Variants in SGCD observed in about 807,000 individuals in gnomAD.
SGCD encodes sarcoglycan delta.
In SGCD, 18 loss-of-function variants were observed where a neutral mutation model predicts 36.6. The observed-to-expected ratio is 0.49, with a 90% confidence interval of 0.34 to 0.73. The LOEUF (loss-of-function observed/expected upper bound fraction) is 0.73, where lower values mean the gene tolerates loss of function less well. SGCD is among the 30% of genes least tolerant of loss of function. The pLI is 0.01. For missense variants in SGCD, 387 were observed against 346.7 expected (o/e 1.12, Z -0.92); for synonymous variants, 133 against 130.6 (o/e 1.02, Z -0.12).
chr5:155,822,029 T>C, the SGCD span, among the ~76,000 whole-genome samples: 1 of 152,286 alleles, frequency 6.6e-6, no homozygotes, highest in Middle Eastern at 3.4e-3. Flanking sequence ...CATCATACAC[T>C]AATGAGAATC....
intron 7 of SGCD, among the ~76,000 whole-genome samples, chr5:156,660,016 T>A (rs2113624871): frequency 6.7e-6 from 1 of 148,868 alleles, no homozygotes; most frequent in Middle Eastern, 3.4e-3. Flanking sequence ...AAAACTTCTG[T>A]ATTTTTTGAT....
At chr5:156,343,983 GC>G in intron 2 of SGCD, among the ~76,000 whole-genome samples, 1 of 152,158 alleles carries the variant, frequency 6.6e-6, no homozygotes, top group Non-Finnish European at 1.5e-5. Context: ...AAATAGAGGA[GC>G]AGTCAAAGCT....
chr5:156,710,222 A>C (rs987039685), intron 7 of SGCD, among the ~76,000 whole-genome samples: 2 of 152,224 alleles, frequency 1.3e-5, no homozygotes, highest in South Asian at 4.1e-4. Context: ...AGAGGTGCTC[A>C]GTAAATACTT....
At chr5:156,392,028 T>C (rs2127755474) in intron 3 of SGCD, among the ~76,000 whole-genome samples, 1 of 152,336 alleles carries the variant, frequency 6.6e-6, no homozygotes, top group African/African-American at 2.4e-5. Context: ...TAGCACTACG[T>C]ATATTGAATG....
chr5:156,122,025 G>C (rs1326075037), intron 2 of SGCD, among the ~76,000 whole-genome samples: 2 of 152,054 alleles, frequency 1.3e-5, no homozygotes, highest in Non-Finnish European at 2.9e-5. Flanking sequence ...TTCATCTTTT[G>C]CATCACACTC....
rs947973750 is a variant in SGCD at position 156,365,791 on chromosome 5, G to A, written c.192+21114G>A. Among the ~76,000 whole-genome samples, 112 of 152,014 alleles carry A rather than the reference G, an allele frequency of 7.4e-4. 1 individual carries two copies. Among genetic ancestry groups the A allele is most frequent in the African/African-American group, 2.6e-3 (108 of 41,428 alleles). ...TATGTCTATATTTCCATGTGTATAT[G>A]CATGTATACATAAATACATGTAAAA... On this transcript the variant is annotated intron_variant, in intron 3 of 8. Transcript: ENST00000337851.
At chr5:156,616,331 T>G (rs535807835) in intron 6 of SGCD, among the ~76,000 whole-genome samples, 2 of 152,330 alleles carry the variant, frequency 1.3e-5, no homozygotes, top group African/African-American at 4.8e-5. Flanking sequence ...CTAGGTCATA[T>G]TCCCACTGCT....
At chr5:156,669,159 G>A (rs1753188666) in intron 7 of SGCD, among the ~76,000 whole-genome samples, 1 of 152,106 alleles carries the variant, frequency 6.6e-6, no homozygotes, top group Admixed American at 6.6e-5. Context: ...TGTGGGTGGA[G>A]TGGGAGGCAT....
chr5:155,842,091 C>A, the SGCD span, among the ~76,000 whole-genome samples: 6,716 of 151,798 alleles, frequency 0.044, 316 homozygotes, highest in African/African-American at 0.12. Flanking sequence ...AAGCTAATAT[C>A]TAGAAAAGAA....
At chr5:156,682,569 A>G (rs1249231273) in intron 7 of SGCD, among the ~76,000 whole-genome samples, 1 of 152,352 alleles carries the variant, frequency 6.6e-6, no homozygotes, top group East Asian at 1.9e-4. Flanking sequence ...TATACTTCAG[A>G]CTTGCCTTAG....
In SGCD at chr5:155,954,613, C is replaced by T. The variant is rs1757612000; in HGVS notation, c.-282+84189C>T. On this transcript the variant is annotated intron_variant, in intron 1 of 9. Transcript: ENST00000517913. Reference sequence around the variant, plus strand: ...TGACTAGAATATAAAACTTGCAAGGCATGGCTTTTTTGTCTGTTCTTTTGA... The same window carrying T: ...TGACTAGAATATAAAACTTGCAAGGTATGGCTTTTTTGTCTGTTCTTTTGA... 2.7e-5 allele frequency among the ~76,000 whole-genome samples: 4 copies of T among 149,546 alleles called. No individual in the cohort carries two copies. In the South Asian group the frequency reaches 8.4e-4, roughly 31 times the overall value.
intron 7 of SGCD, among the ~76,000 whole-genome samples, chr5:156,710,112 C>T (rs1379182805): frequency 2.0e-5 from 3 of 152,086 alleles, no homozygotes; most frequent in Non-Finnish European, 4.4e-5. Context: ...AGGAGGTATT[C>T]CATGCCTGAT....
chr5:156,141,257 G>A (rs74513986), intron 3 of SGCD, among the ~76,000 whole-genome samples: 3,923 of 152,228 alleles, frequency 0.026, 167 homozygotes, highest in African/African-American at 0.09. Flanking sequence ...CTACTAGGAC[G>A]GTGCCTAACA....
chr5:155,728,526 G>C, the SGCD span, among the ~76,000 whole-genome samples: 5 of 152,224 alleles, frequency 3.3e-5, no homozygotes, highest in African/African-American at 1.2e-4. Context: ...AAACAGCCCC[G>C]CTCTCTTGCG....
Position 156,113,074 on chromosome 5 carries a change from T to TTAAATCATG in SGCD, c.-281-4801_-281-4793dup, listed in dbSNP as rs1215289367. The stretch of plus-strand genomic sequence containing the variant: ...TGCATAGCAAATAAAAGAAAACTGT[T>TTAAATCATG]TAAATCATGTAGAAGATCTTGTCCC... On this transcript the variant is annotated intron_variant, in intron 1 of 9. Coordinates refer to the SGCD transcript ENST00000517913. Among the ~76,000 whole-genome samples, 4 of 150,034 alleles carry TTAAATCATG rather than the reference T, an allele frequency of 2.7e-5. No homozygotes were observed. In the East Asian group the frequency reaches 7.7e-4, roughly 29 times the overall value.
chr5:156,606,263 T>C (rs555011672), intron 6 of SGCD, among the ~76,000 whole-genome samples: 57 of 152,374 alleles, frequency 3.7e-4, no homozygotes, highest in Non-Finnish European at 7.1e-4. Flanking sequence ...TTTCTACACA[T>C]GGCTAGCCAG....
At chr5:156,454,672 G>T (rs1754174320) in intron 3 of SGCD, among the ~76,000 whole-genome samples, 2 of 152,106 alleles carry the variant, frequency 1.3e-5, no homozygotes, top group Admixed American at 6.6e-5. Context: ...GCCAGGCATG[G>T]TTCTACAGAG....
chr5:156,352,107 C>G (rs1580860302), intron 3 of SGCD, among the ~76,000 whole-genome samples: 2 of 152,284 alleles, frequency 1.3e-5, no homozygotes, highest in African/African-American at 4.8e-5. Flanking sequence ...ATTCTACCAG[C>G]CCAATCAGAA....
intron 1 of SGCD, among the ~76,000 whole-genome samples, chr5:156,115,596 A>T (rs1371593692): frequency 1.3e-5 from 2 of 152,052 alleles, no homozygotes; most frequent in Non-Finnish European, 2.9e-5. Context: ...CAAGCATCTA[A>T]TTACTTTTCA....
Sources: gnomAD v4.1 joint callset for allele counts (sites outside exome capture counted in the v4.1 genomes callset) on GRCh38, gnomAD v4.1.1 for gene constraint, MANE v1.5 for transcripts, NCBI Gene and HGNC (gene_info 2026-07-23, HGNC 2026-07-21) for gene names.